The following EFCAB12 variants were observed in gnomAD, a reference collection of about 807,000 sequenced individuals.
EFCAB12 encodes the protein EF-hand calcium binding domain 12.
Under a neutral mutation model 53.6 loss-of-function variants are expected in EFCAB12, and 43 were observed. That is an observed-to-expected ratio of 0.80 (90% CI 0.63 to 1.03). The LOEUF is 1.03. Ranked by LOEUF, EFCAB12 falls within the 50% of genes least tolerant of loss-of-function variation. The pLI is 0.00. For missense variants in EFCAB12, 646 were observed against 730.6 expected (o/e 0.88, Z 1.34); for synonymous variants, 269 against 289.2 (o/e 0.93, Z 0.71).
intron 6 of EFCAB12, among the ~76,000 whole-genome samples, chr3:129,406,722 C>T (rs781642507): frequency 6.6e-6 from 1 of 152,074 alleles, no homozygotes; most frequent in Non-Finnish European, 1.5e-5. Flanking sequence ...AGGCTGTTCT[C>T]GAACTCCTGG....
In EFCAB12 at chr3:129,408,699, A is replaced by G; in HGVS notation, c.1195T>C (p.Trp399Arg). Residue 399 changes from tryptophan (W) to arginine (R), a missense_variant, in exon 6 of 9, where the codon TGG (tryptophan) becomes CGG (arginine). Transcript: ENST00000505956. ...AGGCCATAGGACTTACAGAGCTTCC[A>G]GCATTGCAGGTAGACCAGAAAGTTG... Reference protein sequence around the residue: ...RHNFLVYLQCWKLCKSYGLPL... With the variant: ...RHNFLVYLQCRKLCKSYGLPL... 1 of 1,589,572 alleles carries G rather than the reference A, an allele frequency of 6.3e-7. No individual in the cohort carries two copies.
intron 5 of EFCAB12, among the ~76,000 whole-genome samples, chr3:129,409,768 A>C (rs911948841): frequency 2.6e-5 from 4 of 152,210 alleles, no homozygotes; most frequent in Non-Finnish European, 4.4e-5. Context: ...CACAGAGCTG[A>C]GTAGTTGCGA....
intron 8 of EFCAB12, 94 bp from the exon 9 acceptor site, chr3:129,401,945 G>C: frequency 6.7e-7 from 1 of 1,490,230 alleles, no homozygotes. Flanking sequence ...CCAAAGTGGA[G>C]ATTTAGCACT....
At chr3:129,427,486 C>T (rs769745599) in intron 1 of EFCAB12, among the ~76,000 whole-genome samples, 3 of 152,168 alleles carry the variant, frequency 2.0e-5, no homozygotes, top group Admixed American at 6.5e-5. Flanking sequence ...CCCCAAGTCC[C>T]GTAGTTCCCT....
intron 6 of EFCAB12, among the ~76,000 whole-genome samples, chr3:129,405,928 C>T (rs765335942): frequency 6.6e-6 from 1 of 152,054 alleles, no homozygotes; most frequent in Non-Finnish European, 1.5e-5. Context: ...TAGCAGAAGC[C>T]AGGGGTGGAT....
chr3:129,401,674 A>AG lies in EFCAB12; in HGVS notation c.1637dup (p.Asp547Ter). The AG allele has an allele frequency of 6.3e-7, 1 of 1,589,642 alleles. No individual in the cohort carries two copies. Among genetic ancestry groups the AG allele is most frequent in the Non-Finnish European group, 8.6e-7 (1 of 1,167,952 alleles). ...TGTTCCTAAGGGGCCACCAGTGGTC[A>AG]GGGTGGTAGGTGGCTGGGTAGACAT... is the stretch of plus-strand genomic sequence containing the variant. On this transcript the variant is annotated frameshift_variant, in exon 9 of 9. Transcript: ENST00000505956. LOFTEE classifies it low-confidence loss of function (END_TRUNC).
intron 4 of EFCAB12, chr3:129,412,636 C>G (rs545903823): frequency 6.5e-6 from 1 of 152,918 alleles, no homozygotes; most frequent in African/African-American, 2.4e-5. Flanking sequence ...ACCCTTCACC[C>G]ATTCCACCCA....
intron 5 of EFCAB12, 36 bp from the exon 6 acceptor site, chr3:129,408,894 C>T (rs368030574): frequency 1.7e-4 from 263 of 1,545,488 alleles, no homozygotes; most frequent in Middle Eastern, 1.1e-3. Flanking sequence ...GCCCTTCTCT[C>T]GCCTGTGTCC....
chr3:129,415,441 C>A, intron 3 of EFCAB12, 40 bp from the exon 4 acceptor site: 1 of 1,610,288 alleles, frequency 6.2e-7, no homozygotes, highest in East Asian at 2.2e-5. Flanking sequence ...AGGCTCCCAT[C>A]CAAACATCCT....
Position 129,421,387 on chromosome 3 carries a change from C to G in EFCAB12, c.466G>C (p.Ala156Pro), listed in dbSNP as rs1005940039. ...EQSAQPNASQATTRTTRKKAP... is the reference protein window; with the variant it reads ...EQSAQPNASQPTTRTTRKKAP... ...CTCACCCTGGTGGTCCTGGTAGTTG[C>G]CTGGGAGGCATTTGGCTGGGCACTC... The change falls in exon 2 of 9, where the codon GCA becomes CCA. Residue 156 changes from alanine (A) to proline (P), a missense_variant. Ala to Pro is a conservative substitution (Grantham distance 27). Coordinates refer to ENST00000505956, the MANE Select transcript of EFCAB12 (RefSeq NM_207307.3). 1 of 1,607,574 alleles carries G rather than the reference C, an allele frequency of 6.2e-7. No homozygotes were observed. The highest frequency in any genetic ancestry group is 2.2e-5 in the East Asian group (1 of 44,680).
At chr3:129,418,202 C>T in intron 3 of EFCAB12, 52 bp downstream of exon 3, 1 of 1,511,288 alleles carries the variant, frequency 6.6e-7, no homozygotes, top group Admixed American at 2.0e-5. Flanking sequence ...AGAGGGAGTA[C>T]ATGTACATCC....
chr3:129,402,648 G>A (rs1160021947), intron 7 of EFCAB12, 69 bp from the exon 8 acceptor site: 5 of 1,483,784 alleles, frequency 3.4e-6, no homozygotes, highest in Admixed American at 2.0e-5. Context: ...TTAGGGAGTA[G>A]GTCAGGGCCG....
chr3:129,422,804 C>T (rs1427872419), intron 1 of EFCAB12, among the ~76,000 whole-genome samples: 1 of 152,106 alleles, frequency 6.6e-6, no homozygotes, highest in Admixed American at 6.5e-5. Flanking sequence ...GCCACAGGCT[C>T]CCCCATTCCT....
chr3:129,426,809 T>A lies in EFCAB12; in HGVS notation c.49+1631A>T, dbSNP rs146489861. ...CTCCCAGCTCAGCCTCCTGAGTAGC[T>A]GGGACTACAGGTGCATGCCATTAAG... On this transcript the variant is annotated intron_variant, in intron 1 of 8. Transcript: ENST00000505956. Among the ~76,000 whole-genome samples the A allele has an allele frequency of 8.7e-3, 1,309 of 150,754 alleles. 14 individuals carry two copies. The highest frequency in any genetic ancestry group is 0.013 in the Non-Finnish European group (907 of 67,822).
chr3:129,426,349 G>GTTT lies in EFCAB12; in HGVS notation c.49+2088_49+2090dup, dbSNP rs1229958503. Among the ~76,000 whole-genome samples, 165 of 106,892 alleles carry GTTT rather than the reference G, an allele frequency of 1.5e-3. 4 individuals are homozygous for GTTT. The highest frequency in any genetic ancestry group is 5.7e-3 in the African/African-American group (139 of 24,494). 70.1% of individuals were successfully genotyped at this position (106,892 alleles called of 152,430 possible). On this transcript the variant is annotated intron_variant, in intron 1 of 8. Coordinates refer to ENST00000505956, the MANE Select transcript of EFCAB12 (RefSeq NM_207307.3). ...CATCTCCACTTGGATGGCTTACAGGGTTTTTTTTTGTTTTTTTTTTTTTTT... is the reference window on the plus strand; with the variant it reads ...CATCTCCACTTGGATGGCTTACAGGGTTTTTTTTTTTTGTTTTTTTTTTTTTTT...
intron 1 of EFCAB12, among the ~76,000 whole-genome samples, chr3:129,427,398 C>T (rs1337385685): frequency 6.6e-6 from 1 of 152,172 alleles, no homozygotes; most frequent in Non-Finnish European, 1.5e-5. Context: ...TGGAAGACAT[C>T]TCCATCTACC....
At chr3:129,412,423 T>G (rs1039166551) in intron 4 of EFCAB12, 3 of 100,334 alleles carry the variant, frequency 3.0e-5, no homozygotes, top group Admixed American at 1.4e-4. Context: ...TATGTGTAGA[T>G]GGATGGATAG....
chr3:129,403,968 C>G, intron 7 of EFCAB12: 1 of 285,906 alleles, frequency 3.5e-6, no homozygotes, highest in South Asian at 9.0e-5. Context: ...AGGAGGCTCT[C>G]CTTTTCATCT....
intron 1 of EFCAB12, 57 bp downstream of exon 1, chr3:129,428,383 T>C: frequency 1.3e-6 from 2 of 1,563,464 alleles, no homozygotes; most frequent in Non-Finnish European, 1.7e-6. Flanking sequence ...TCACCCCACT[T>C]TCACGCGTCC....
Sources: allele counts gnomAD v4.1 joint callset (sites outside exome capture counted in the v4.1 genomes callset), GRCh38; gene constraint gnomAD v4.1.1; transcripts MANE v1.5; gene names NCBI Gene and HGNC (gene_info 2026-07-23, HGNC 2026-07-21).